The following DNAJC6 variants were observed in gnomAD, a reference collection of about 807,000 sequenced individuals.
DNAJC6 encodes auxilin.
In DNAJC6, 34 loss-of-function variants were observed where a neutral mutation model predicts 110.0. That is an observed-to-expected ratio of 0.31 (90% CI 0.24 to 0.41). The LOEUF (loss-of-function observed/expected upper bound fraction) is 0.41, where lower values mean the gene tolerates loss of function less well. DNAJC6 is among the 10% of genes least tolerant of loss of function. DNAJC6 has a pLI of 1.00. For missense variants in DNAJC6, 1,031 were observed against 1,207.8 expected, an observed-to-expected ratio of 0.85 and a Z score of 2.17; for synonymous variants, 406 against 437.2, an observed-to-expected ratio of 0.93 and a Z score of 0.89.
At chr1:65,377,779 C>T (rs1278480220) in intron 4 of DNAJC6, among the ~76,000 whole-genome samples, 1 of 152,146 alleles carries the variant, frequency 6.6e-6, no homozygotes, top group African/African-American at 2.4e-5. Flanking sequence ...ATCTGATTAC[C>T]AGAAAAGGGC....
intron 4 of DNAJC6, among the ~76,000 whole-genome samples, chr1:65,367,165 T>G (rs1222336465): frequency 3.9e-5 from 6 of 152,152 alleles, no homozygotes; most frequent in African/African-American, 7.2e-5. Context: ...AATTTTGGTG[T>G]GCATCAGAAT....
chr1:65,354,590 A>G (rs1212620778), intron 1 of DNAJC6, among the ~76,000 whole-genome samples: 3 of 152,204 alleles, frequency 2.0e-5, no homozygotes, highest in Non-Finnish European at 2.9e-5. Flanking sequence ...TGATTCTCCC[A>G]TAGCTTGGGA....
chr1:65,307,966 C>T (rs1645060209), upstream of DNAJC6, among the ~76,000 whole-genome samples: 1 of 152,148 alleles, frequency 6.6e-6, no homozygotes, highest in African/African-American at 2.4e-5. Context: ...TAGGTTTCCC[C>T]AGAAGGACTG....
At position 65,384,306 on chromosome 1, in the gene DNAJC6, A is replaced by C. The variant is rs775274287; in HGVS notation, c.780A>C (p.Gly260=). The change falls in exon 6 of 19, where the codon GGA becomes GGC. Residue 260 remains glycine, a synonymous_variant. Transcript: ENST00000371069. ...RLLYAKRPGI[G]LSPSHRRYLG... The stretch of plus-strand genomic sequence containing the variant: ...TATATGCAAAGCGACCAGGAATTGG[A>C]CTTTCACCATCCCATAGGAGGTAAA... The C allele has an allele frequency of 4.4e-6, 7 of 1,576,556 alleles. No homozygotes were observed. Among genetic ancestry groups the C allele is most frequent in the Non-Finnish European group, 6.0e-6 (7 of 1,164,018 alleles).
intron 1 of DNAJC6, among the ~76,000 whole-genome samples, chr1:65,334,075 C>A (rs1194524502): frequency 6.6e-6 from 1 of 152,212 alleles, no homozygotes; most frequent in Non-Finnish European, 1.5e-5. Flanking sequence ...GTTAATGTAA[C>A]TATCCCTTCT....
intron 1 of DNAJC6, among the ~76,000 whole-genome samples, chr1:65,333,990 T>C (rs918133041): frequency 6.6e-6 from 1 of 152,238 alleles, no homozygotes; most frequent in African/African-American, 2.4e-5. Context: ...ATTTATTCAC[T>C]ATAAAAAGTT....
At chr1:65,280,770 A>G (rs954977004) in intron 1 of DNAJC6, among the ~76,000 whole-genome samples, 1 of 151,964 alleles carries the variant, frequency 6.6e-6, no homozygotes, top group Admixed American at 6.6e-5. Flanking sequence ...TTTTGGTCTA[A>G]TTTTTTTCAT....
intron 1 of DNAJC6, among the ~76,000 whole-genome samples, chr1:65,296,618 A>G (rs554872532): frequency 1.6e-5 from 2 of 125,040 alleles, no homozygotes; most frequent in East Asian, 4.7e-4. Context: ...GACGGAGTCT[A>G]GCTCTGTCAC....
intron 1 of DNAJC6, among the ~76,000 whole-genome samples, chr1:65,270,178 A>G (rs1186050500): frequency 6.6e-6 from 1 of 152,144 alleles, no homozygotes; most frequent in Non-Finnish European, 1.5e-5. Flanking sequence ...GTAGCTACCT[A>G]CTTAATTATG....
intron 1 of DNAJC6, among the ~76,000 whole-genome samples, chr1:65,267,310 C>G (rs1281823191): frequency 6.6e-6 from 1 of 152,172 alleles, no homozygotes; most frequent in Non-Finnish European, 1.5e-5. Flanking sequence ...GGACAGGACT[C>G]TATTTCTTTG....
chr1:65,273,196 C>T lies in DNAJC6; in HGVS notation c.-131+8264C>T, dbSNP rs1260912806. On this transcript the variant is annotated intron_variant, in intron 1 of 19. Coordinates refer to the DNAJC6 transcript ENST00000263441. ...TTTGTCTTTATTATTTCCTCTTACA[C>T]TCTTTGGCTATAACTTATGACTTAT... 2.6e-5 allele frequency among the ~76,000 whole-genome samples: 4 copies of T among 152,148 alleles called. No homozygotes were observed. In the East Asian group the frequency reaches 5.8e-4, roughly 22 times the overall value.
intron 1 of DNAJC6, among the ~76,000 whole-genome samples, chr1:65,328,759 A>G (rs112899496): frequency 1.3e-5 from 2 of 152,344 alleles, no homozygotes; most frequent in African/African-American, 4.8e-5. Flanking sequence ...AGGACTTAGC[A>G]GTCTTCTTGG....
At chr1:65,348,609 A>G (rs987382796) in intron 1 of DNAJC6, among the ~76,000 whole-genome samples, 1 of 151,958 alleles carries the variant, frequency 6.6e-6, no homozygotes, top group Admixed American at 6.6e-5. Context: ...TTACTGTATG[A>G]TTAATATTTT....
At chr1:65,362,435 T>C (rs1392881956) in intron 1 of DNAJC6, among the ~76,000 whole-genome samples, 1 of 152,200 alleles carries the variant, frequency 6.6e-6, no homozygotes, top group Non-Finnish European at 1.5e-5. Flanking sequence ...ATAGATGCCA[T>C]TCTTGTCTTT....
chr1:65,385,386 A>G (rs1645861398), intron 6 of DNAJC6, among the ~76,000 whole-genome samples: 1 of 152,194 alleles, frequency 6.6e-6, no homozygotes, highest in African/African-American at 2.4e-5. Context: ...AAATTTATCC[A>G]AAGCCAAATT....
intron 1 of DNAJC6, among the ~76,000 whole-genome samples, chr1:65,277,071 A>G (rs1275439776): frequency 2.0e-5 from 3 of 152,154 alleles, no homozygotes; most frequent in African/African-American, 7.2e-5. Flanking sequence ...TGGCTTTTCT[A>G]ATTTCCCTCA....
intron 1 of DNAJC6, among the ~76,000 whole-genome samples, chr1:65,289,846 G>C (rs892578695): frequency 4.1e-5 from 6 of 145,816 alleles, no homozygotes; most frequent in African/African-American, 1.5e-4. Context: ...GTTTCATTAT[G>C]TTGCCCAGGC....
At chr1:65,403,025 T>C (rs1646044074) in intron 15 of DNAJC6, among the ~76,000 whole-genome samples, 1 of 151,806 alleles carries the variant, frequency 6.6e-6, no homozygotes, top group Admixed American at 6.6e-5. Context: ...ACTGTTTTAG[T>C]AAAAAAAATA....
chr1:65,367,721 G>A (rs1645662131), intron 4 of DNAJC6, among the ~76,000 whole-genome samples: 1 of 152,066 alleles, frequency 6.6e-6, no homozygotes, highest in Admixed American at 6.6e-5. Context: ...TTTATAAAAG[G>A]CAATCTCTAT....
Sources: allele counts gnomAD v4.1 joint callset (sites outside exome capture counted in the v4.1 genomes callset), GRCh38; gene constraint gnomAD v4.1.1; transcripts MANE v1.5; gene names NCBI Gene and HGNC (gene_info 2026-07-23, HGNC 2026-07-21).